NLGN1: variants seen among roughly 807,000 people sequenced by gnomAD.
The protein encoded by NLGN1 is neuroligin 1.
A neutral mutation model predicts 65.5 loss-of-function variants in NLGN1; 12 were observed. The observed-to-expected ratio is 0.18, with a 90% CI of 0.12 to 0.30. The LOEUF is 0.30. NLGN1 is among the 10% of genes least tolerant of loss of function. The pLI is 1.00. For missense variants in NLGN1, 750 were observed against 1,007.1 expected (o/e 0.74, Z 3.46); for synonymous variants, 350 against 359.5 (o/e 0.97, Z 0.30).
At chr3:173,508,614 C>T (rs1732424128) in intron 2 of NLGN1, among the ~76,000 whole-genome samples, 1 of 152,156 alleles carries the variant, frequency 6.6e-6, no homozygotes, top group South Asian at 2.1e-4. Flanking sequence ...TTGTTCTTCT[C>T]TGGAGCCCTC....
rs1277008743 is a variant in NLGN1 at position 173,553,918 on chromosome 3, CT to C, written c.-320-50360del. On this transcript the variant is annotated intron_variant, in intron 2 of 6. Transcript: ENST00000457714. ...TCGGAAAGGAGACTAAATTTTCCCC[CT>C]GGGAATAATAGGTGATATTCGCACA... Among the ~76,000 whole-genome samples, 20 of 152,086 alleles carry C rather than the reference CT, an allele frequency of 1.3e-4. 1 individual carries two copies. The highest frequency in any genetic ancestry group is 1.2e-3 in the Admixed American group (18 of 15,268).
At chr3:173,732,231 T>C (rs1383800776) in intron 3 of NLGN1, among the ~76,000 whole-genome samples, 1 of 152,086 alleles carries the variant, frequency 6.6e-6, no homozygotes, top group Non-Finnish European at 1.5e-5. Flanking sequence ...ATAATGAATA[T>C]GGTGACACAT....
At chr3:174,057,742 A>G (rs978978422) in intron 4 of NLGN1, 2 of 152,052 alleles carry the variant, frequency 1.3e-5, no homozygotes, top group African/African-American at 4.8e-5. Flanking sequence ...CTCCATCTGC[A>G]TCTCTCCCAA....
rs189327860 is a variant in NLGN1 at position 173,831,345 on chromosome 3, G to A, written c.646+23513G>A. On this transcript the variant is annotated intron_variant, in intron 4 of 6. Transcript: ENST00000457714. ...TGCAAAATAAAAGAGAAGATAAAAG[G>A]AAAATAACTTTTAAAGAAATGTGTG... is the stretch of plus-strand genomic sequence containing the variant. 1.0e-3 allele frequency among the ~76,000 whole-genome samples: 157 copies of A among 152,244 alleles called. 2 individuals carry two copies. The East Asian group carries it at 0.028, about 27-fold the overall frequency.
intron 4 of NLGN1, among the ~76,000 whole-genome samples, chr3:173,954,489 C>A (rs574386620): frequency 1.3e-5 from 2 of 152,212 alleles, no homozygotes; most frequent in Admixed American, 1.3e-4. Flanking sequence ...AATTTCATTT[C>A]TAGCTTCCTG....
At chr3:173,963,821 G>T (rs900031960) in intron 4 of NLGN1, among the ~76,000 whole-genome samples, 1 of 152,190 alleles carries the variant, frequency 6.6e-6, no homozygotes, top group Non-Finnish European at 1.5e-5. Context: ...CTGGTGAACA[G>T]AGGTGGGCAG....
At chr3:173,797,566 A>G (rs1022831554) in intron 3 of NLGN1, among the ~76,000 whole-genome samples, 17 of 152,086 alleles carry the variant, frequency 1.1e-4, no homozygotes, top group African/African-American at 4.1e-4. Flanking sequence ...TTATTACAAT[A>G]AAAGATGTCC....
chr3:174,167,742 C>T (rs1727789608), intron 4 of NLGN1, among the ~76,000 whole-genome samples: 1 of 151,538 alleles, frequency 6.6e-6, no homozygotes, highest in African/African-American at 2.4e-5. Context: ...ATCTGAATGT[C>T]TACCTTTCTA....
chr3:173,923,652 A>G (rs1742478766), intron 4 of NLGN1, among the ~76,000 whole-genome samples: 1 of 152,188 alleles, frequency 6.6e-6, no homozygotes, highest in African/African-American at 2.4e-5. Flanking sequence ...TTAAATTTTC[A>G]GTATAAATCT....
intron 2 of NLGN1, among the ~76,000 whole-genome samples, chr3:173,441,003 A>G (rs1196739393): frequency 6.6e-6 from 1 of 151,986 alleles, no homozygotes; most frequent in African/African-American, 2.4e-5. Context: ...TAAATGGTGC[A>G]GCTTCTACAC....
Position 173,763,468 on chromosome 3 carries a change from G to T in NLGN1, c.494-44212G>T, listed in dbSNP as rs774870878. Among the ~76,000 whole-genome samples the T allele has an allele frequency of 1.0e-3, 159 of 152,096 alleles. 1 individual carries two copies. Among genetic ancestry groups the T allele is most frequent in the Admixed American group, 4.5e-3 (68 of 15,222 alleles). ...AGCACAGCAGAAATTCATGATTTGG[G>T]TTTACTTTTTGTATTACAAATATAA... is the stretch of plus-strand genomic sequence containing the variant. On this transcript the variant is annotated intron_variant, in intron 3 of 6. Coordinates refer to ENST00000457714, the Ensembl canonical transcript of NLGN1.
intron 4 of NLGN1, among the ~76,000 whole-genome samples, chr3:174,233,192 A>C (rs1480133214): frequency 3.3e-5 from 5 of 152,078 alleles, no homozygotes; most frequent in African/African-American, 1.2e-4. Flanking sequence ...CAGTAAAAAA[A>C]GTTCAAGGTG....
At chr3:174,258,204 C>T (rs761357447) in intron 4 of NLGN1, among the ~76,000 whole-genome samples, 14 of 151,902 alleles carry the variant, frequency 9.2e-5, no homozygotes, top group Admixed American at 2.6e-4. Flanking sequence ...CTTTGAGGGG[C>T]TCCCATTAGC....
chr3:173,435,549 T>C lies in NLGN1; in HGVS notation c.-321+471T>C, dbSNP rs557010523. Among the ~76,000 whole-genome samples, 3 of 152,172 alleles carry C rather than the reference T, an allele frequency of 2.0e-5. No individual in the cohort carries two copies. The South Asian group carries it at 6.2e-4, about 32-fold the overall frequency. On this transcript the variant is annotated intron_variant, in intron 2 of 6. Transcript: ENST00000457714. The stretch of plus-strand genomic sequence containing the variant: ...ATAAAGTCATTTTTAGAAAAAAAAA[T>C]GTAGGCTGGGTGCGGTGGCACACGC...
chr3:173,796,921 C>T (rs1315898492), intron 3 of NLGN1, among the ~76,000 whole-genome samples: 2 of 152,028 alleles, frequency 1.3e-5, no homozygotes, highest in Non-Finnish European at 2.9e-5. Context: ...AAATTAATGC[C>T]AATTACCTTT....
Position 173,888,832 on chromosome 3 carries a change from G to C in NLGN1, c.646+81000G>C, listed in dbSNP as rs563661168. Among the ~76,000 whole-genome samples, 12 of 152,092 alleles carry C rather than the reference G, an allele frequency of 7.9e-5. No homozygotes were observed. In the South Asian group the frequency reaches 2.3e-3, roughly 29 times the overall value. On this transcript the variant is annotated intron_variant, in intron 4 of 6. Transcript: ENST00000457714. ...CTGCAATAACCCAGTTAAAATGAAA[G>C]CTCAGAGGTTTTCATTTTGTTACCT...
chr3:173,781,017 G>A (rs921939118), intron 3 of NLGN1, among the ~76,000 whole-genome samples: 7 of 151,468 alleles, frequency 4.6e-5, no homozygotes, highest in African/African-American at 7.3e-5. Context: ...GGTGGCGGGC[G>A]CCTGTAGTCC....
chr3:173,629,303 TG>T (rs1023075784), intron 3 of NLGN1, among the ~76,000 whole-genome samples: 5 of 151,206 alleles, frequency 3.3e-5, no homozygotes, highest in Non-Finnish European at 7.4e-5. Context: ...TTTAGTAGAG[TG>T]GGGGCCTTGC....
At chr3:173,601,773 A>G (rs1238866837) in intron 2 of NLGN1, among the ~76,000 whole-genome samples, 1 of 152,042 alleles carries the variant, frequency 6.6e-6, no homozygotes, top group African/African-American at 2.4e-5. Flanking sequence ...CTATCACTAC[A>G]TTCAATAGAG....
Sources: gnomAD v4.1 joint callset for allele counts (sites outside exome capture counted in the v4.1 genomes callset) on GRCh38, gnomAD v4.1.1 for gene constraint, MANE v1.5 for transcripts, NCBI Gene and HGNC (gene_info 2026-07-23, HGNC 2026-07-21) for gene names.